The following TXLNG variants were observed in gnomAD, a reference collection of about 807,000 sequenced individuals.
TXLNG encodes the protein taxilin gamma.
A neutral mutation model predicts 38.8 loss-of-function variants in TXLNG; 5 were observed. The ratio of observed to expected loss-of-function variants is 0.13; its 90% CI spans 0.07 to 0.27. The LOEUF is 0.27. Ranked by LOEUF, TXLNG falls within the 10% of genes least tolerant of loss-of-function variation. The pLI is 1.00. For missense variants in TXLNG, 393 were observed against 398.2 expected (o/e 0.99, Z 0.11); for synonymous variants, 182 against 158.2 (o/e 1.15, Z -1.13).
chrX:16,821,596 G>C (rs1017613922), intron 3 of TXLNG, among the ~76,000 whole-genome samples: 1 of 112,702 alleles, frequency 8.9e-6, no homozygotes, highest in Non-Finnish European at 1.9e-5. Flanking sequence ...ATACTTAGGT[G>C]AATTATCATG....
chrX:16,837,754 C>T, intron 8 of TXLNG, 69 bp downstream of exon 8: 1 of 830,670 alleles, frequency 1.2e-6, no homozygotes, highest in South Asian at 3.0e-5. Context: ...AGTGTGATTA[C>T]TATTTTGCTG....
chrX:16,836,903 G>A (rs999814918), intron 7 of TXLNG, among the ~76,000 whole-genome samples: 1 of 111,315 alleles, frequency 9.0e-6, no homozygotes, highest in Non-Finnish European at 1.9e-5. Flanking sequence ...ACCTATGAGG[G>A]CCAGCTCAGG....
intron 1 of TXLNG, among the ~76,000 whole-genome samples, chrX:16,805,712 A>C (rs1297654971): frequency 8.9e-6 from 1 of 112,365 alleles, no homozygotes; most frequent in Non-Finnish European, 1.9e-5. Flanking sequence ...ATAACTTAGG[A>C]AGTCTCAGAC....
chrX:16,830,830 C>CGTGTGTGTGTGT (rs1186714021), intron 5 of TXLNG, among the ~76,000 whole-genome samples: 627 of 37,924 alleles, frequency 0.017, 73 homozygotes, highest in East Asian at 0.048. Flanking sequence ...ACCGTAATTC[C>CGTGTGTGTGTGT]GTGTGTGTGT....
intron 5 of TXLNG, among the ~76,000 whole-genome samples, chrX:16,831,594 T>C (rs1389846842): frequency 1.8e-5 from 2 of 112,341 alleles, no homozygotes; most frequent in African/African-American, 6.5e-5. Context: ...TTTTTTGTCA[T>C]AGAGGTTAAA....
chrX:16,810,250 T>G (rs1928467015), intron 1 of TXLNG, among the ~76,000 whole-genome samples: 1 of 112,098 alleles, frequency 8.9e-6, no homozygotes, highest in African/African-American at 3.2e-5. Context: ...AAGAGATTGA[T>G]CCAAGAAAAG....
intron 1 of TXLNG, among the ~76,000 whole-genome samples, chrX:16,799,499 A>G (rs1928005718): frequency 8.9e-6 from 1 of 111,748 alleles, no homozygotes; most frequent in Non-Finnish European, 1.9e-5. Flanking sequence ...TAGGCCGGGC[A>G]TGGTGGCTCA....
At chrX:16,805,778 G>A (rs1431169371) in intron 1 of TXLNG, among the ~76,000 whole-genome samples, 1 of 112,138 alleles carries the variant, frequency 8.9e-6, no homozygotes, top group East Asian at 2.8e-4. Context: ...TTTATATTTG[G>A]AAACATTGAG....
chrX:16,799,937 T>C (rs1928023687), intron 1 of TXLNG, among the ~76,000 whole-genome samples: 1 of 111,307 alleles, frequency 9.0e-6, no homozygotes, highest in Admixed American at 9.6e-5. Context: ...GGAATAATTA[T>C]CCATCATCAA....
At chrX:16,818,490 C>T in intron 1 of TXLNG, 84 bp from the exon 2 acceptor site, 1 of 1,052,560 alleles carries the variant, frequency 9.5e-7, no homozygotes, top group Non-Finnish European at 1.3e-6. Flanking sequence ...AACTATCAGG[C>T]TATGATGTTC....
At chrX:16,839,766 G>C in intron 8 of TXLNG, 55 bp from the exon 9 acceptor site, 1 of 902,414 alleles carries the variant, frequency 1.1e-6, no homozygotes, top group Admixed American at 2.6e-5. Context: ...TACTGGGACA[G>C]GGAGTAGAGA....
chrX:16,821,718 C>T lies in TXLNG; in HGVS notation c.498+1463C>T, dbSNP rs193177078. On this transcript the variant is annotated intron_variant, in intron 3 of 9. Coordinates refer to ENST00000380122, the MANE Select transcript of TXLNG (RefSeq NM_018360.3). Reference sequence around the variant, plus strand: ...AAAAAATGAATTCTGAGGCTGGGCGCGGTGGCTCACGCCTGTAATCCCAGC... The same window carrying T: ...AAAAAATGAATTCTGAGGCTGGGCGTGGTGGCTCACGCCTGTAATCCCAGC... 5.7e-3 allele frequency among the ~76,000 whole-genome samples: 635 copies of T among 111,329 alleles called. 1 individual carries two copies. The highest frequency in any genetic ancestry group is 8.5e-3 in the Non-Finnish European group (451 of 53,011).
intron 1 of TXLNG, among the ~76,000 whole-genome samples, chrX:16,792,625 A>T (rs1191562153): frequency 6.4e-5 from 7 of 109,082 alleles, no homozygotes; most frequent in Non-Finnish European, 1.3e-4. Context: ...TATGAAGAAT[A>T]AAAAACTTAG....
chrX:16,794,269 A>G (rs1029277361), intron 1 of TXLNG, among the ~76,000 whole-genome samples: 47 of 112,443 alleles, frequency 4.2e-4, no homozygotes, highest in African/African-American at 1.5e-3. Context: ...CTGGTAGATA[A>G]AATAGTAATA....
At chrX:16,790,469 T>C (rs1927663920) in intron 1 of TXLNG, among the ~76,000 whole-genome samples, 1 of 111,428 alleles carries the variant, frequency 9.0e-6, no homozygotes, top group African/African-American at 3.3e-5. Flanking sequence ...CCCAAAGTGC[T>C]GGAATTATAA....
In TXLNG at chrX:16,820,193, C is replaced by A; in HGVS notation, c.436C>A (p.Leu146Ile). The change falls in exon 3 of 10, where the codon CTA becomes ATA. Residue 146 changes from leucine (L) to isoleucine (I), a missense_variant. Physicochemically the swap from Leu to Ile is conservative, Grantham distance 5. Coordinates refer to ENST00000380122, the MANE Select transcript of TXLNG (RefSeq NM_018360.3). ...GKEVLLLMQA[L>I]NTLSTPEEKL... ...AGAAGTTTTATTACTGATGCAAGCC[C>A]TAAACACCCTTTCAACCCCAGAGGA... 8.3e-7 allele frequency: 1 copy of A among 1,209,699 alleles called. No individual in the cohort carries two copies. The highest frequency in any genetic ancestry group is 1.1e-6 in the Non-Finnish European group (1 of 894,654).
intron 9 of TXLNG, among the ~76,000 whole-genome samples, chrX:16,840,998 C>T (rs1929789423): frequency 9.0e-6 from 1 of 110,872 alleles, no homozygotes; most frequent in African/African-American, 3.3e-5. Context: ...AAATCAAGAC[C>T]ATCCTGGCCA....
At chrX:16,824,410 C>T (rs1380187099) in intron 3 of TXLNG, among the ~76,000 whole-genome samples, 1 of 111,114 alleles carries the variant, frequency 9.0e-6, no homozygotes, top group Non-Finnish European at 1.9e-5. Flanking sequence ...CCAGAGGCAA[C>T]AATCAATTCC....
Position 16,832,652 on chromosome X carries a change from A to C in TXLNG, c.894A>C (p.Glu298Asp), listed in dbSNP as rs142675324. The C allele has an allele frequency of 7.0e-5, 85 of 1,209,429 alleles. No individual in the cohort carries two copies. The highest frequency in any genetic ancestry group is 8.7e-5 in the Non-Finnish European group (78 of 894,970). ...TTGATAAGGTGTTCAAACATAAGGA[A>C]CTGCAACAGCAGCTCGTGGATGCCA... ...EHIDKVFKHK[E>D]LQQQLVDAKL... Residue 298 changes from glutamate to aspartate, a missense_variant, in exon 6 of 10, where the codon GAA (glutamate) becomes GAC (aspartate). Transcript: ENST00000380122.
Sources: allele counts gnomAD v4.1 joint callset (sites outside exome capture counted in the v4.1 genomes callset), GRCh38; gene constraint gnomAD v4.1.1; transcripts MANE v1.5; gene names NCBI Gene and HGNC (gene_info 2026-07-23, HGNC 2026-07-21).